KIF1C: variants seen among roughly 807,000 people sequenced by gnomAD.
The protein encoded by KIF1C is kinesin family member 1C, also known as kinesin-like protein KIF1C.
KIF1C carries 61 observed loss-of-function variants against 126.5 expected under a neutral mutation model. The observed-to-expected ratio is 0.48, with a 90% CI of 0.39 to 0.60. The LOEUF (loss-of-function observed/expected upper bound fraction) is 0.60, where lower values mean the gene tolerates loss of function less well. Ranked by LOEUF, KIF1C falls within the 20% of genes least tolerant of loss-of-function variation. KIF1C has a pLI of 0.00. For synonymous variants in KIF1C, 640 were observed against 580.6 expected (o/e 1.10, Z -1.47); for missense variants, 1,315 against 1,489.2 (o/e 0.88, Z 1.93).
At position 5,000,294 on chromosome 17, in the gene KIF1C, C is replaced by T. The variant is rs1184626812; in HGVS notation, c.48C>T (p.Asn16=). 3.8e-6 allele frequency: 6 copies of T among 1,591,484 alleles called. No individual in the cohort carries two copies. Among genetic ancestry groups the T allele is most frequent in the African/African-American group, 2.7e-5 (2 of 74,214 alleles). ...VKVAVRVRPF[N]ARETSQDAKC... ...TGGCAGTGAGGGTTCGGCCCTTTAA[C>T]GCCCGTGAGACCAGCCAGGATGCCA... The change falls in exon 3 of 23, where the codon AAC becomes AAT. Residue 16 remains asparagine (N), a synonymous_variant. Coordinates refer to ENST00000320785, the MANE Select transcript of KIF1C (RefSeq NM_006612.6).
Position 5,022,464 on chromosome 17 carries a change from G to A in KIF1C, c.2383G>A (p.Ala795Thr), listed in dbSNP as rs190022215. The change falls in exon 22 of 23, where the codon GCC (alanine) becomes ACC (threonine). Residue 795 changes from alanine to threonine, a missense_variant. Transcript: ENST00000320785. The surrounding 1 kb of genome is among the most constrained non-coding windows in gnomAD (Gnocchi z 4.9). ...TYGKPDGPGD[A>T]WRAVARDVWD... ...TGGCAAGCCAGACGGCCCCGGAGACGCCTGGAGGGCTGTGGCCCGGGATGT... is the reference window on the plus strand; with the variant it reads ...TGGCAAGCCAGACGGCCCCGGAGACACCTGGAGGGCTGTGGCCCGGGATGT... 9.5e-6 allele frequency: 15 copies of A among 1,585,652 alleles called. No homozygotes were observed. The highest frequency in any genetic ancestry group is 3.3e-4 in the Middle Eastern group (2 of 6,030).
chr17:5,017,979 C>A (rs1975011845), intron 18 of KIF1C, among the ~76,000 whole-genome samples: 1 of 151,988 alleles, frequency 6.6e-6, no homozygotes, highest in South Asian at 2.1e-4. Context: ...TTTTTATTTT[C>A]ATTTTCATTT....
intron 16 of KIF1C, among the ~76,000 whole-genome samples, chr17:5,008,530 TG>T (rs2143336496): frequency 6.6e-6 from 1 of 152,326 alleles, no homozygotes; most frequent in Non-Finnish European, 1.5e-5. Context: ...CACTGGGGGC[TG>T]CCTGGAAGAG....
rs938552454 is a variant in KIF1C, at chr17:5,002,454, T to C, written c.430-10T>C. 4 of 1,565,542 alleles carry C rather than the reference T, an allele frequency of 2.6e-6. No homozygotes were observed. The highest frequency in any genetic ancestry group is 3.5e-6 in the Non-Finnish European group (4 of 1,152,864). ...AGTTTTGTTACTTCTCATTTGCTTC[T>C]CCCACTCAGGTGAGCTATATGGAGA... On this transcript the variant is annotated splice_polypyrimidine_tract_variant and intron_variant, in intron 6 of 22. Transcript: ENST00000320785.
chr17:5,008,919 G>A (rs1008082719), intron 16 of KIF1C, among the ~76,000 whole-genome samples: 3 of 152,144 alleles, frequency 2.0e-5, no homozygotes, highest in African/African-American at 7.2e-5. Flanking sequence ...AGAAAGGACT[G>A]GGGAGACTGG....
At position 5,003,905 on chromosome 17, in the gene KIF1C, C is replaced by T; in HGVS notation, c.853C>T (p.Leu285Phe). ...TACACTAGGGAAAGTGATCTCGGCC[C>T]TTGCAGATATGGTGAGACCTGGGTG... ...LTTLGKVISA[L>F]ADMQSKKRKS... Residue 285 changes from leucine (L) to phenylalanine (F), a missense_variant, in exon 10 of 23, where the codon CTT (leucine) becomes TTT (phenylalanine). Around this residue, in one of 2 missense-constraint regions of KIF1C, gnomAD observed 874 missense variants for 1,053.2 expected, o/e 0.83. Coordinates refer to ENST00000320785, the MANE Select transcript of KIF1C (RefSeq NM_006612.6). The T allele has an allele frequency of 6.2e-7, 1 of 1,613,948 alleles. No individual in the cohort carries two copies. The highest frequency in any genetic ancestry group is 8.5e-7 in the Non-Finnish European group (1 of 1,179,868).
intron 16 of KIF1C, among the ~76,000 whole-genome samples, chr17:5,010,470 C>T (rs892698820): frequency 2.0e-5 from 3 of 151,940 alleles, no homozygotes; most frequent in African/African-American, 4.8e-5. Context: ...TAATCTAGGC[C>T]GGGTGCGGTG....
intron 16 of KIF1C, among the ~76,000 whole-genome samples, chr17:5,010,276 T>A (rs1309077299): frequency 6.6e-6 from 1 of 152,198 alleles, no homozygotes; most frequent in Non-Finnish European, 1.5e-5. Flanking sequence ...TGTCAGGGTA[T>A]TCTATTGTGT....
rs150252102 is a variant in KIF1C, at chr17:5,011,052, A to G, written c.1492-2601A>G. Among the ~76,000 whole-genome samples the G allele has an allele frequency of 3.3e-5, 5 of 152,176 alleles. No individual in the cohort carries two copies. In the East Asian group the frequency reaches 9.7e-4, roughly 30 times the overall value. ...CCCATTTCCCCTCGCCCTTTCCCAC[A>G]TTCTGGCTTAGTAAGACTTTTCTCT... is the stretch of plus-strand genomic sequence containing the variant. On this transcript the variant is annotated intron_variant, in intron 16 of 22. Coordinates refer to ENST00000320785, the MANE Select transcript of KIF1C (RefSeq NM_006612.6).
At position 5,000,241 on chromosome 17, in the gene KIF1C, G is replaced by C; in HGVS notation, c.-6G>C. The C allele has an allele frequency of 6.4e-7, 1 of 1,562,322 alleles. No individual in the cohort carries two copies. The highest frequency in any genetic ancestry group is 8.7e-7 in the Non-Finnish European group (1 of 1,152,912). ...CCAGCTGAGGAGGGCAGGAGTGTCT[G>C]GAGCTATGGCTGGTGCCTCGGTGAA... On this transcript the variant is annotated 5_prime_UTR_variant, in exon 3 of 23. Coordinates refer to ENST00000320785, the MANE Select transcript of KIF1C (RefSeq NM_006612.6).
chr17:5,014,887 T>C, intron 18 of KIF1C, 50 bp downstream of exon 18: 2 of 1,429,536 alleles, frequency 1.4e-6, no homozygotes. Context: ...AGGCCCCATG[T>C]TCCACCCCAC....
intron 9 of KIF1C, 40 bp from the exon 10 acceptor site, chr17:5,003,811 A>T (rs368400409): frequency 1.5e-5 from 24 of 1,588,060 alleles, no homozygotes; most frequent in Non-Finnish European, 2.0e-5. Context: ...TCACATTGGG[A>T]GAAGAGGGTC....
chr17:4,998,455 C>G (rs2143293884), intron 1 of KIF1C, among the ~76,000 whole-genome samples: 1 of 152,278 alleles, frequency 6.6e-6, no homozygotes, highest in African/African-American at 2.4e-5. Flanking sequence ...ACCCCAGCCG[C>G]CCAGTATCCT....
Position 5,002,515 on chromosome 17 carries a change from A to G in KIF1C, c.481A>G (p.Lys161Glu), listed in dbSNP as rs1299067327. 1.9e-6 allele frequency: 3 copies of G among 1,613,350 alleles called. No individual in the cohort carries two copies. Among genetic ancestry groups the G allele is most frequent in the South Asian group, 1.1e-5 (1 of 91,058 alleles). Residue 161 changes from lysine (K) to glutamate (E), a missense_variant, in exon 7 of 23, where the codon AAG (lysine) becomes GAG (glutamate). Physicochemically the swap from Lys to Glu is moderately conservative, Grantham distance 56. Transcript: ENST00000320785. ...CERVRDLLNPKSRGSLRVREH... is the reference protein window; with the variant it reads ...CERVRDLLNPESRGSLRVREH... ...GCGGGTACGAGACCTCTTGAACCCC[A>G]AGAGTCGGGGTTCTCTGCGGGTCCG...
chr17:5,019,306 T>C (rs1975040185), intron 18 of KIF1C: 1 of 167,834 alleles, frequency 6.0e-6, no homozygotes. Context: ...TCACAGAAGT[T>C]AAATTGACTT....
chr17:5,003,294 G>C (rs978635003), intron 8 of KIF1C, among the ~76,000 whole-genome samples: 3 of 152,034 alleles, frequency 2.0e-5, no homozygotes, highest in African/African-American at 7.2e-5. Context: ...TGATCCAGCC[G>C]CCTCAGCCTC....
In KIF1C at chr17:5,021,565, G is replaced by A. The variant is rs187404595; in HGVS notation, c.2011-527G>A. 2.3e-3 allele frequency among the ~76,000 whole-genome samples: 346 copies of A among 152,044 alleles called. 6 individuals are homozygous for A. The highest frequency in any genetic ancestry group is 4.7e-4 in the Non-Finnish European group (32 of 67,968). On this transcript the variant is annotated intron_variant, in intron 21 of 22. Coordinates refer to ENST00000320785, the MANE Select transcript of KIF1C (RefSeq NM_006612.6). ...CCTGATCATAGCTCACTGCAGCCTC[G>A]AACTCCTTGGGTTCAAGCAGTCCTT...
Position 5,024,235 on chromosome 17 carries a change from C to T in KIF1C, c.*84C>T. 1 of 1,021,898 alleles carries T rather than the reference C, an allele frequency of 9.8e-7. No individual in the cohort carries two copies. The highest frequency in any genetic ancestry group is 1.4e-6 in the Non-Finnish European group (1 of 691,860). The allele number at this position is 1,021,898 out of a possible 1,614,324, so 63.3% of individuals were successfully genotyped here. A position where few individuals can be genotyped will look rare whatever the true frequency, so the allele number is the denominator to read the frequency against. ...CCGAGACGCTGCTTCCCCAGAAGTG[C>T]TGGGGCAGGGAGGCCCAGGAGATGA... On this transcript the variant is annotated 3_prime_UTR_variant, in exon 23 of 23. Coordinates refer to ENST00000320785, the MANE Select transcript of KIF1C (RefSeq NM_006612.6).
Position 5,024,049 on chromosome 17 carries a change from C to T in KIF1C, c.3210C>T (p.Ala1070=). 2 of 1,577,530 alleles carry T rather than the reference C, an allele frequency of 1.3e-6. No individual in the cohort carries two copies. The highest frequency in any genetic ancestry group is 1.2e-5 in the South Asian group (1 of 86,694). The change falls in exon 23 of 23, where the codon GCC becomes GCT. Residue 1070 remains alanine, a synonymous_variant. Transcript: ENST00000320785. ...SYPQPPQPYP[A]QRPPGPRYPP... is the part of the protein sequence containing the mutation. ...CCCAGCCACCCCAACCCTACCCAGC[C>T]CAGCGGCCCCCAGGGCCCCGCTACC...
Sources: gnomAD v4.1 joint callset for allele counts (sites outside exome capture counted in the v4.1 genomes callset) on GRCh38, gnomAD v4.1.1 for gene constraint, gnomAD v4.1.1 regional missense constraint, Gnocchi (gnomAD v3.1) non-coding constraint, MANE v1.5 for transcripts, NCBI Gene and HGNC (gene_info 2026-07-23, HGNC 2026-07-21) for gene names.